Variants in ACOT8 observed in about 807,000 individuals in gnomAD.
The protein encoded by ACOT8 is acyl-CoA thioesterase 8.
Under a neutral mutation model 38.4 loss-of-function variants are expected in ACOT8, and 31 were observed. That is an observed-to-expected ratio of 0.81 (90% CI 0.61 to 1.09). The LOEUF is 1.09. Among genes scored for constraint, ACOT8 ranks in the 50% least tolerant of loss-of-function variants. The pLI is 0.00. For synonymous variants in ACOT8, 158 were observed against 170.3 expected (o/e 0.93, Z 0.56); for missense variants, 373 against 421.8 (o/e 0.88, Z 1.01).
intron 3 of ACOT8, among the ~76,000 whole-genome samples, chr20:45,844,845 GCA>G (rs1363910031): frequency 6.6e-6 from 1 of 152,196 alleles, no homozygotes; most frequent in African/African-American, 2.4e-5. Context: ...AGTGAAATAA[GCA>G]CAGAGTCCAG....
intron 4 of ACOT8, 170 bp downstream of exon 4, chr20:45,844,092 CT>C: frequency 1.0e-6 from 1 of 967,990 alleles, no homozygotes; most frequent in Non-Finnish European, 1.6e-6. Flanking sequence ...TCTCCACCTT[CT>C]CCCCATGCAA....
At chr20:45,856,556 G>C (rs1601105509) in intron 1 of ACOT8, among the ~76,000 whole-genome samples, 1 of 152,024 alleles carries the variant, frequency 6.6e-6, no homozygotes, top group East Asian at 1.9e-4. Context: ...TGGCGCGCCT[G>C]TATGTCCCAG....
Position 45,841,820 on chromosome 20 carries a change from C to T in ACOT8, c.*18G>A, listed in dbSNP as rs760658642. The T allele has an allele frequency of 1.8e-5, 29 of 1,583,138 alleles. No individual in the cohort carries two copies. Among genetic ancestry groups the T allele is most frequent in the African/African-American group, 2.7e-5 (2 of 73,778 alleles). ...GATGGGAGGTTCTTGAAGCCCCAGG[C>T]GAAGCTGGTACCTCTGGCTACAGCT... On this transcript the variant is annotated 3_prime_UTR_variant, in exon 6 of 6. Coordinates refer to ENST00000217455, the MANE Select transcript of ACOT8 (RefSeq NM_005469.4).
chr20:45,842,089 C>T, intron 5 of ACOT8, 133 bp from the exon 6 acceptor site: 2 of 1,537,890 alleles, frequency 1.3e-6, no homozygotes, highest in Non-Finnish European at 8.7e-7. Flanking sequence ...GATCCTCCCG[C>T]CTCAGCCTCC....
At position 45,842,413 on chromosome 20, in the gene ACOT8, G is replaced by A. The variant is rs540070595; in HGVS notation, c.842-457C>T. 4 of 1,167,646 alleles carry A rather than the reference G, an allele frequency of 3.4e-6. No individual in the cohort carries two copies. In the South Asian group the frequency reaches 1.1e-4, roughly 33 times the overall value. 72.3% of individuals were successfully genotyped at this position (1,167,646 alleles called of 1,614,324 possible). A position where few individuals can be genotyped will look rare whatever the true frequency, so the allele number is the denominator to read the frequency against. ...AGAACTGCTGTACCTCTGACCACTT[G>A]TGTTAGGAAAACTATCGGCTCCCTG... is the stretch of plus-strand genomic sequence containing the variant. On this transcript the variant is annotated intron_variant, in intron 5 of 5. Coordinates refer to ENST00000217455, the MANE Select transcript of ACOT8 (RefSeq NM_005469.4).
chr20:45,854,249 G>A (rs1051965705), intron 2 of ACOT8, among the ~76,000 whole-genome samples: 2 of 151,802 alleles, frequency 1.3e-5, no homozygotes, highest in Admixed American at 6.6e-5. Flanking sequence ...TGGAGTGCTC[G>A]CCCAGGCTGG....
Position 45,848,474 on chromosome 20 carries a change from TCA to T in ACOT8, c.462_463del (p.Cys154Ter). ...CCTTAAATACTGGTCAATGAGGGTCTCACAGTCAAGCAGCTCTTCTGGTGGTG... is the reference window on the plus strand; with the variant it reads ...CCTTAAATACTGGTCAATGAGGGTCTCAGTCAAGCAGCTCTTCTGGTGGTG... On this transcript the variant is annotated stop_gained and frameshift_variant, in exon 3 of 6. Transcript: ENST00000217455. LOFTEE classifies it high-confidence loss of function. The T allele has an allele frequency of 6.2e-7, 1 of 1,609,388 alleles. No individual in the cohort carries two copies. Among genetic ancestry groups the T allele is most frequent in the East Asian group, 2.2e-5 (1 of 44,766 alleles).
At chr20:45,855,049 C>T in intron 2 of ACOT8, 110 bp downstream of exon 2, 1 of 1,479,186 alleles carries the variant, frequency 6.8e-7, no homozygotes, top group Non-Finnish European at 9.2e-7. Context: ...TCCGCCACCC[C>T]TCCCCTTGTC....
At position 45,848,534 on chromosome 20, in the gene ACOT8, G is replaced by A. The variant is rs80281112; in HGVS notation, c.404C>T (p.Pro135Leu). 9,976 of 1,614,052 alleles carry A rather than the reference G, an allele frequency of 6.2e-3. 55 individuals carry two copies. Among genetic ancestry groups the A allele is most frequent in the Non-Finnish European group, 6.8e-3 (7,983 of 1,179,998 alleles). The change falls in exon 3 of 6, where the codon CCC becomes CTC. Residue 135 changes from proline (P) to leucine (L), a missense_variant. Coordinates refer to ENST00000217455, the MANE Select transcript of ACOT8 (RefSeq NM_005469.4). The stretch of plus-strand genomic sequence containing the variant: ...GGGCATGGAGAACTGGTGCTGCATG[G>A]GGCTGGGCTGGGCCTGCTGGAAGGA... ...QASFQQAQPS[P>L]MQHQFSMPTV...
intron 5 of ACOT8, chr20:45,842,662 G>A (rs1384432183): frequency 3.0e-6 from 3 of 989,880 alleles, no homozygotes; most frequent in South Asian, 9.2e-5. Flanking sequence ...AGCTCACTCA[G>A]TTCTCACAGT....
chr20:45,848,623 C>T lies in ACOT8; in HGVS notation c.315G>A (p.Ser105=), dbSNP rs150842604. 1.2e-4 allele frequency: 191 copies of T among 1,613,668 alleles called. No homozygotes were observed. The highest frequency in any genetic ancestry group is 1.6e-4 in the Non-Finnish European group (183 of 1,179,990). The part of the protein sequence containing the change: ...LYQVERTRTG[S]SFSVRSVKAV... ...CCTTCACAGAGCGCACCGAGAAGCT[C>T]GACCCTGTTCGTGTCCGCTCCACTT... Residue 105 remains serine, a synonymous_variant, in exon 3 of 6, where the codon TCG becomes TCA. Transcript: ENST00000217455.
chr20:45,843,063 TAC>T, intron 5 of ACOT8: 1 of 1,148,730 alleles, frequency 8.7e-7, no homozygotes, highest in Admixed American at 4.1e-5. Context: ...AACTTAAAAA[TAC>T]AGTTTCCTGG....
intron 5 of ACOT8, chr20:45,842,533 T>C (rs569241080): frequency 2.0e-6 from 2 of 1,008,534 alleles, no homozygotes; most frequent in East Asian, 1.0e-4. Context: ...AAGAGAGGAC[T>C]TGAGGCCATG....
chr20:45,848,430 G>A lies in ACOT8; in HGVS notation c.488+20C>T. The A allele has an allele frequency of 6.5e-7, 1 of 1,546,942 alleles. No homozygotes were observed. The highest frequency in any genetic ancestry group is 8.8e-7 in the Non-Finnish European group (1 of 1,141,306). On this transcript the variant is annotated intron_variant, in intron 3 of 5. Coordinates refer to ENST00000217455, the MANE Select transcript of ACOT8 (RefSeq NM_005469.4). The stretch of plus-strand genomic sequence containing the variant: ...AGCTGCATTTTGAAAAGTCTGCCAT[G>A]GAGCCTCCAGGTCTCTCACCTTAAA...
intron 2 of ACOT8, chr20:45,853,969 C>A (rs1354556281): frequency 7.7e-7 from 1 of 1,304,440 alleles, no homozygotes; most frequent in Non-Finnish European, 1.0e-6. Flanking sequence ...ACGCAGAACA[C>A]ATGAGGGCAT....
At chr20:45,844,134 G>A in intron 4 of ACOT8, 129 bp downstream of exon 4, 2 of 1,334,278 alleles carry the variant, frequency 1.5e-6, no homozygotes, top group South Asian at 1.2e-5. Flanking sequence ...GAGAAGCTAA[G>A]CCAACTTCCC....
intron 1 of ACOT8, among the ~76,000 whole-genome samples, chr20:45,855,857 CAG>C (rs1985385105): frequency 1.3e-5 from 2 of 152,218 alleles, no homozygotes; most frequent in South Asian, 2.1e-4. Context: ...AGCTTGGCCC[CAG>C]AGATGAAAAT....
chr20:45,851,360 TG>T (rs1309625225), intron 2 of ACOT8, among the ~76,000 whole-genome samples: 1 of 151,842 alleles, frequency 6.6e-6, no homozygotes, highest in Non-Finnish European at 1.5e-5. Flanking sequence ...CCACCAAACT[TG>T]GGGGGAAAAA....
In ACOT8 at chr20:45,848,572, G is replaced by A. The variant is rs139222076; in HGVS notation, c.366C>T (p.Phe122=). 2 of 1,614,154 alleles carry A rather than the reference G, an allele frequency of 1.2e-6. No homozygotes were observed. Among genetic ancestry groups the A allele is most frequent in the Non-Finnish European group, 1.7e-6 (2 of 1,180,012 alleles). The change falls in exon 3 of 6, where the codon TTC becomes TTT. Residue 122 remains phenylalanine (F), a synonymous_variant. Coordinates refer to ENST00000217455, the MANE Select transcript of ACOT8 (RefSeq NM_005469.4). ...VKAVQHGKPI[F]ICQASFQQAQ... ...CCTGCTGGAAGGAGGCCTGGCAGAT[G>A]AAGATGGGCTTCCCATGTTGCACGG...
Sources: gnomAD v4.1 joint callset for allele counts (sites outside exome capture counted in the v4.1 genomes callset) on GRCh38, gnomAD v4.1.1 for gene constraint, MANE v1.5 for transcripts, NCBI Gene and HGNC (gene_info 2026-07-23, HGNC 2026-07-21) for gene names.